The following TPRX1 variants were observed in gnomAD, a reference collection of about 807,000 sequenced individuals.
TPRX1 encodes tetra-peptide repeat homeobox protein 1.
In TPRX1, 2 loss-of-function variants were observed where a neutral mutation model predicts 8.1. The ratio of observed to expected loss-of-function variants is 0.25; its 90% CI spans 0.10 to 0.78. TPRX1 has a LOEUF of 0.78. Ranked by LOEUF, TPRX1 falls within the 30% of genes least tolerant of loss-of-function variation. The probability of loss-of-function intolerance (pLI) is 0.70; values close to 1 mark genes in which losing one functional copy is unlikely to be tolerated. For synonymous variants in TPRX1, 257 were observed against 254.1 expected, an observed-to-expected ratio of 1.01 and a Z score of -0.11; for missense variants, 517 against 586.9, an observed-to-expected ratio of 0.88 and a Z score of 1.23.
At chr19:47,809,368 C>T (rs36094165) in intron 2 of TPRX1, among the ~76,000 whole-genome samples, 2,257 of 152,060 alleles carry the variant, frequency 0.015, 21 homozygotes, top group Non-Finnish European at 0.023. Flanking sequence ...GCAACCTCTC[C>T]CTCCTTGGCT....
chr19:47,818,690 C>T (rs1967874028), intron 1 of TPRX1, among the ~76,000 whole-genome samples: 1 of 152,208 alleles, frequency 6.6e-6, no homozygotes, highest in African/African-American at 2.4e-5. Context: ...CAACCTGATC[C>T]AAGGATCCTC....
chr19:47,804,458 T>C (rs1967715345), intron 2 of TPRX1, among the ~76,000 whole-genome samples, 57 bp downstream of exon 1: 1 of 152,198 alleles, frequency 6.6e-6, no homozygotes, highest in African/African-American at 2.4e-5. Context: ...AGATTTGCAC[T>C]CTGCAGCCTC....
intron 2 of TPRX1, among the ~76,000 whole-genome samples, chr19:47,815,114 T>TTATATATATATATATATGCAAA (rs1967819473): frequency 4.7e-5 from 3 of 63,390 alleles, no homozygotes; most frequent in South Asian, 6.1e-4. Context: ...AATAGATAAA[T>TTATATATATATATATATGCAAA]TATATATATA....
At position 47,815,646 on chromosome 19, in the gene TPRX1, C is replaced by CAAAAAAAAAAA. The variant is rs34265596; in HGVS notation, c.151+2811_151+2821dup. The stretch of plus-strand genomic sequence containing the variant: ...CAACATAATGAGACCCCCGTCTCTA[C>CAAAAAAAAAAA]AAAAAAAAAAAAAAAAAAAAGCAGG... On this transcript the variant is annotated intron_variant, in intron 2 of 3. Transcript: ENST00000535759. Among the ~76,000 whole-genome samples the CAAAAAAAAAAA allele has an allele frequency of 3.3e-5, 2 of 60,280 alleles. 1 individual carries two copies. Among genetic ancestry groups the CAAAAAAAAAAA allele is most frequent in the Non-Finnish European group, 5.7e-5 (2 of 34,930 alleles). 39.5% of individuals were successfully genotyped at this position (60,280 alleles called of 152,430 possible).
At chr19:47,808,629 TA>T (rs1463368591) in intron 2 of TPRX1, among the ~76,000 whole-genome samples, 6 of 151,656 alleles carry the variant, frequency 4.0e-5, no homozygotes, top group African/African-American at 9.7e-5. Flanking sequence ...ATTTTTATTT[TA>T]TTTTTAGTAG....
chr19:47,815,143 TGCAAATATATATATATATA>T (rs1441532583), intron 2 of TPRX1, among the ~76,000 whole-genome samples: 12 of 76,954 alleles, frequency 1.6e-4, no homozygotes, highest in African/African-American at 4.9e-4. Context: ...TATATATATA[TGCAAATATATATATATATA>T]TTTTTTTTTT....
intron 2 of TPRX1, among the ~76,000 whole-genome samples, chr19:47,814,513 A>T (rs1342165153): frequency 6.6e-6 from 1 of 152,136 alleles, no homozygotes; most frequent in Non-Finnish European, 1.5e-5. Context: ...AATAAAGTTT[A>T]TCATTAACCT....
In TPRX1 at chr19:47,802,345, C is replaced by T. The variant is rs147608412; in HGVS notation, c.957G>A (p.Pro319=). ...TTGGGCCTGGGATTGGGCCTGGGAT[C>T]GGGCCTGGGTTTGGGCCTGAGATTG... Residue 319 remains proline (P), a synonymous_variant, in exon 4 of 4, where the codon CCG becomes CCA. Transcript: ENST00000535759. The T allele has an allele frequency of 4.3e-4, 478 of 1,113,618 alleles. 2 individuals are homozygous for T. The highest frequency in any genetic ancestry group is 1.5e-3 in the Admixed American group (54 of 36,938). 69.0% of individuals were successfully genotyped at this position (1,113,618 alleles called of 1,614,324 possible).
intron 2 of TPRX1, among the ~76,000 whole-genome samples, chr19:47,816,791 C>A (rs1179925621): frequency 2.0e-5 from 3 of 152,208 alleles, no homozygotes; most frequent in Admixed American, 6.5e-5. Flanking sequence ...CTTGGCCTCC[C>A]AAAGTGCTGG....
At chr19:47,805,333 G>C (rs1311886128) in intron 2 of TPRX1, among the ~76,000 whole-genome samples, 3 of 152,118 alleles carry the variant, frequency 2.0e-5, no homozygotes, top group Non-Finnish European at 4.4e-5. Context: ...GTATCAGGAG[G>C]GGGCACAGGT....
chr19:47,815,432 C>T, intron 2 of TPRX1, among the ~76,000 whole-genome samples: 1 of 147,012 alleles, frequency 6.8e-6, no homozygotes, highest in African/African-American at 2.5e-5. Context: ...GGATTACAGG[C>T]ATGAGCCACC....
chr19:47,804,882 G>A (rs1967720907), intron 2 of TPRX1, among the ~76,000 whole-genome samples: 1 of 152,164 alleles, frequency 6.6e-6, no homozygotes, highest in Non-Finnish European at 1.5e-5. Flanking sequence ...CTCAGGAGAG[G>A]CACCGCCAGC....
At chr19:47,802,560 C>T (rs1022996836) in exon 4 of TPRX1, 1 of 1,547,266 alleles carries the variant, frequency 6.5e-7, no homozygotes, top group Non-Finnish European at 8.7e-7. Context: ...GGGATTGGGC[C>T]ACGGAATGGG....
At chr19:47,804,320 G>A (rs1967713539) in intron 2 of TPRX1, among the ~76,000 whole-genome samples, 195 bp downstream of exon 1, 2 of 151,942 alleles carry the variant, frequency 1.3e-5, no homozygotes, top group African/African-American at 4.8e-5. Flanking sequence ...TTCCCAAAGA[G>A]CTGGGATCAC....
intron 2 of TPRX1, among the ~76,000 whole-genome samples, chr19:47,805,379 C>T (rs373125596): frequency 2.0e-5 from 3 of 152,080 alleles, no homozygotes; most frequent in East Asian, 1.9e-4. Flanking sequence ...GCTGGTCTGC[C>T]CTTGTGAGTG....
exon 4 of TPRX1, chr19:47,802,621 C>A (rs879202596): frequency 2.6e-6 from 4 of 1,541,556 alleles, no homozygotes. Flanking sequence ...GGGCTGGGAT[C>A]GGGCTTGGGA....
exon 4 of TPRX1, chr19:47,801,595 A>G (rs1236413506): frequency 2.9e-6 from 2 of 698,644 alleles, no homozygotes; most frequent in Non-Finnish European, 4.6e-6. Flanking sequence ...CTCAATTCAA[A>G]TGACAGGCAG....
At chr19:47,814,311 T>C (rs935730627) in intron 2 of TPRX1, among the ~76,000 whole-genome samples, 10 of 151,986 alleles carry the variant, frequency 6.6e-5, no homozygotes, top group African/African-American at 1.9e-4. Flanking sequence ...CACCTCGACC[T>C]CCCAAAGTGT....
chr19:47,815,971 G>C (rs1237876312), intron 2 of TPRX1, among the ~76,000 whole-genome samples: 2 of 152,182 alleles, frequency 1.3e-5, no homozygotes, highest in East Asian at 3.9e-4. Flanking sequence ...GTCTTATTTA[G>C]ACTCTGGGTC....
Sources: allele counts gnomAD v4.1 joint callset (sites outside exome capture counted in the v4.1 genomes callset), GRCh38; gene constraint gnomAD v4.1.1; transcripts MANE v1.5; gene names NCBI Gene and HGNC (gene_info 2026-07-23, HGNC 2026-07-21).